Variants in PTCHD4 observed in about 807,000 individuals in gnomAD.
The protein encoded by PTCHD4 is patched domain containing 4.
PTCHD4 carries 33 observed loss-of-function variants against 58.1 expected under a neutral mutation model. The ratio of observed to expected loss-of-function variants is 0.57; its 90% CI spans 0.43 to 0.76. The LOEUF (loss-of-function observed/expected upper bound fraction) is 0.76, where lower values mean the gene tolerates loss of function less well. PTCHD4 is among the 30% of genes least tolerant of loss of function. The pLI, the probability that PTCHD4 is intolerant of heterozygous loss-of-function variation, is 0.00. For missense variants in PTCHD4, 1,058 were observed against 1,027.1 expected (o/e 1.03, Z -0.41); for synonymous variants, 478 against 409.6 (o/e 1.17, Z -2.02).
At position 47,869,659 on chromosome 6, in the gene PTCHD4, G is replaced by A. The variant is rs983170914; in HGVS notation, c.*8644C>T. On this transcript the variant is annotated 3_prime_UTR_variant, in exon 5 of 5. Coordinates refer to ENST00000339488, the MANE Select transcript of PTCHD4 (RefSeq NM_001384253.1). ...CTTCAGAATGCTTTATCTTAACCAC[G>A]GAGAGATAATTGATATATATCATCA... 6.6e-5 allele frequency among the ~76,000 whole-genome samples: 10 copies of A among 151,428 alleles called. No individual in the cohort carries two copies. The highest frequency in any genetic ancestry group is 6.8e-3 in the Middle Eastern group (2 of 294).
Position 48,015,362 on chromosome 6 carries a change from C to T in PTCHD4, c.418-6248G>A, listed in dbSNP as rs751874919. Among the ~76,000 whole-genome samples the T allele has an allele frequency of 7.2e-5, 11 of 152,014 alleles. 1 individual carries two copies. The highest frequency in any genetic ancestry group is 2.4e-4 in the African/African-American group (10 of 41,304). Reference sequence around the variant, plus strand: ...AAAACCCTCCCCTGGTTTCCACTTGCAATAGGAATACAACAGATGCCTCTT... The same window carrying T: ...AAAACCCTCCCCTGGTTTCCACTTGTAATAGGAATACAACAGATGCCTCTT... On this transcript the variant is annotated intron_variant, in intron 3 of 4. Coordinates refer to ENST00000339488, the MANE Select transcript of PTCHD4 (RefSeq NM_001384253.1).
chr6:47,902,803 A>G (rs961902613), intron 4 of PTCHD4, among the ~76,000 whole-genome samples: 2 of 152,208 alleles, frequency 1.3e-5, no homozygotes, highest in African/African-American at 4.8e-5. Flanking sequence ...ACTTTTGAAT[A>G]TTAAAAATTT....
At chr6:47,958,758 A>G (rs1258682865) in intron 4 of PTCHD4, among the ~76,000 whole-genome samples, 1 of 152,214 alleles carries the variant, frequency 6.6e-6, no homozygotes, top group Non-Finnish European at 1.5e-5. Context: ...CAATATTCAG[A>G]GGAAACAGGA....
intron 4 of PTCHD4, among the ~76,000 whole-genome samples, chr6:47,916,730 G>T (rs529438663): frequency 6.0e-4 from 91 of 152,088 alleles, no homozygotes; most frequent in African/African-American, 1.8e-3. Flanking sequence ...CTCCTACAAG[G>T]CTAGTTGATA....
intron 4 of PTCHD4, among the ~76,000 whole-genome samples, chr6:47,946,026 A>T (rs774218298): frequency 1.3e-5 from 2 of 151,960 alleles, no homozygotes; most frequent in Admixed American, 6.6e-5. Flanking sequence ...AACAAATGAA[A>T]TTTTTCTTAT....
intron 1 of PTCHD4, among the ~76,000 whole-genome samples, chr6:48,104,595 AT>A (rs1765680255): frequency 6.6e-6 from 1 of 152,220 alleles, no homozygotes; most frequent in Admixed American, 6.5e-5. Flanking sequence ...AAATTCACAC[AT>A]AACAATACTA....
chr6:48,002,750 A>AAAG (rs1768784412), intron 4 of PTCHD4, among the ~76,000 whole-genome samples: 1 of 142,664 alleles, frequency 7.0e-6, no homozygotes. Flanking sequence ...CCTAAAACTT[A>AAAG]AAGTATAATA....
intron 4 of PTCHD4, among the ~76,000 whole-genome samples, chr6:47,944,779 T>G (rs1430815361): frequency 1.3e-5 from 2 of 152,122 alleles, no homozygotes; most frequent in East Asian, 3.8e-4. Context: ...ACCTACTCTT[T>G]GCCAAACACT....
At chr6:48,054,388 G>C (rs1383400634) in intron 3 of PTCHD4, among the ~76,000 whole-genome samples, 1 of 151,992 alleles carries the variant, frequency 6.6e-6, no homozygotes, top group Non-Finnish European at 1.5e-5. Context: ...TGCTCCCCTG[G>C]AACTTGTTGA....
At chr6:47,910,196 T>A (rs895439237) in intron 4 of PTCHD4, among the ~76,000 whole-genome samples, 17 of 152,148 alleles carry the variant, frequency 1.1e-4, no homozygotes, top group Admixed American at 7.2e-4. Context: ...TGGTGTTTTG[T>A]TTTTATCATT....
intron 3 of PTCHD4, among the ~76,000 whole-genome samples, chr6:48,039,012 C>T (rs1236671230): frequency 6.6e-6 from 1 of 152,138 alleles, no homozygotes; most frequent in Admixed American, 6.5e-5. Flanking sequence ...GGTAAAAATG[C>T]AGAGACTCCA....
In PTCHD4 at chr6:47,886,604, G is replaced by A. The variant is rs1467212072; in HGVS notation, c.899-6668C>T. On this transcript the variant is annotated intron_variant, in intron 4 of 4. Transcript: ENST00000339488. Reference sequence around the variant, plus strand: ...AATTGTGTTTGTGAAAATCACCCCCGATCGTGACATCCCAATGCCAACTAA... The same window carrying A: ...AATTGTGTTTGTGAAAATCACCCCCAATCGTGACATCCCAATGCCAACTAA... Among the ~76,000 whole-genome samples the A allele has an allele frequency of 3.3e-5, 5 of 152,038 alleles. No homozygotes were observed. The East Asian group carries it at 5.8e-4, about 18-fold the overall frequency.
chr6:47,876,318 G>T lies in PTCHD4; in HGVS notation c.*1985C>A, dbSNP rs543146710. Among the ~76,000 whole-genome samples the T allele has an allele frequency of 6.6e-6, 1 of 152,046 alleles. No homozygotes were observed. Among genetic ancestry groups the T allele is most frequent in the South Asian group, 2.1e-4 (1 of 4,828 alleles). On this transcript the variant is annotated 3_prime_UTR_variant, in exon 5 of 5. Coordinates refer to ENST00000339488, the MANE Select transcript of PTCHD4 (RefSeq NM_001384253.1). ...CACTCAAATCTATAGATATTGCACT[G>T]AAACTGACACAATGGAGAAGACATA...
rs1183417540 is a variant in PTCHD4, at chr6:47,859,565, C to G, written c.*18738G>C. Reference sequence around the variant, plus strand: ...TCCCTCCTTTCCTTCCTTCCTTTGTCAAATATTTATTGAATGCCTAACATG... The same window carrying G: ...TCCCTCCTTTCCTTCCTTCCTTTGTGAAATATTTATTGAATGCCTAACATG... On this transcript the variant is annotated 3_prime_UTR_variant, in exon 5 of 5. Transcript: ENST00000339488. 1.3e-5 allele frequency among the ~76,000 whole-genome samples: 2 copies of G among 151,872 alleles called. No homozygotes were observed. The highest frequency in any genetic ancestry group is 3.9e-4 in the East Asian group (2 of 5,148).
chr6:48,098,130 C>CA (rs1329168911), intron 1 of PTCHD4, among the ~76,000 whole-genome samples: 1 of 151,898 alleles, frequency 6.6e-6, no homozygotes, highest in Non-Finnish European at 1.5e-5. Flanking sequence ...AGCCCAGGAG[C>CA]AAAAAACCCC....
intron 4 of PTCHD4, among the ~76,000 whole-genome samples, chr6:47,911,576 T>C (rs1324517038): frequency 6.6e-6 from 1 of 152,156 alleles, no homozygotes; most frequent in Non-Finnish European, 1.5e-5. Context: ...TGTCCAGGTT[T>C]TGAGCCTTGG....
intron 4 of PTCHD4, among the ~76,000 whole-genome samples, chr6:47,908,544 G>C (rs569548866): frequency 1.5e-4 from 23 of 152,250 alleles, no homozygotes; most frequent in African/African-American, 5.5e-4. Flanking sequence ...CATTGTGGGG[G>C]TCCTTTTGAA....
rs569749024 is a variant in PTCHD4, at chr6:48,044,025, A to G, written c.417+24205T>C. On this transcript the variant is annotated intron_variant, in intron 3 of 4. Coordinates refer to ENST00000339488, the MANE Select transcript of PTCHD4 (RefSeq NM_001384253.1). ...AAGAATAGGAACCTTGTTTTTCCCA[A>G]TTGATCCTCATTACAGGACCCAGTG... Among the ~76,000 whole-genome samples, 50 of 151,982 alleles carry G rather than the reference A, an allele frequency of 3.3e-4. No individual in the cohort carries two copies. The Middle Eastern group carries it at 0.014, about 41-fold the overall frequency.
In PTCHD4 at chr6:47,860,253, T is replaced by C. The variant is rs1763392039; in HGVS notation, c.*18050A>G. Among the ~76,000 whole-genome samples the C allele has an allele frequency of 1.3e-5, 2 of 152,026 alleles. No individual in the cohort carries two copies. The highest frequency in any genetic ancestry group is 2.1e-4 in the South Asian group (1 of 4,824). On this transcript the variant is annotated 3_prime_UTR_variant, in exon 5 of 5. Coordinates refer to ENST00000339488, the MANE Select transcript of PTCHD4 (RefSeq NM_001384253.1). ...AAGCAATTTAAAGGTAGAAAACACA[T>C]CATACTTTTTCTTCATCCCATATAG...
Sources: gnomAD v4.1 joint callset for allele counts (sites outside exome capture counted in the v4.1 genomes callset) on GRCh38, gnomAD v4.1.1 for gene constraint, MANE v1.5 for transcripts, NCBI Gene and HGNC (gene_info 2026-07-23, HGNC 2026-07-21) for gene names.